Variants in NEGR1 observed in about 807,000 individuals in gnomAD.
The protein encoded by NEGR1 is IgLON family member 4.
A neutral mutation model predicts 40.9 loss-of-function variants in NEGR1; 10 were observed. That is an observed-to-expected ratio of 0.24 (90% CI 0.15 to 0.42). NEGR1 has a LOEUF of 0.42. NEGR1 is among the 10% of genes least tolerant of loss of function. The probability of loss-of-function intolerance (pLI) is 1.00; values close to 1 mark genes in which losing one functional copy is unlikely to be tolerated. For missense variants in NEGR1, 352 were observed against 438.9 expected (o/e 0.80, Z 1.77); for synonymous variants, 185 against 166.8 (o/e 1.11, Z -0.84).
intron 4 of NEGR1, among the ~76,000 whole-genome samples, chr1:71,627,201 G>A (rs893114871): frequency 1.3e-5 from 2 of 152,142 alleles, no homozygotes; most frequent in African/African-American, 4.8e-5. Context: ...GCACATGTAT[G>A]TGTATTGCAG....
intron 4 of NEGR1, among the ~76,000 whole-genome samples, chr1:71,691,870 TC>T (rs1014221491): frequency 2.0e-5 from 3 of 151,308 alleles, no homozygotes; most frequent in African/African-American, 7.3e-5. Context: ...GATCTTTCTT[TC>T]TTTTTTTTTT....
At chr1:71,592,366 T>A (rs1394155735) in intron 6 of NEGR1, among the ~76,000 whole-genome samples, 1 of 152,170 alleles carries the variant, frequency 6.6e-6, no homozygotes, top group African/African-American at 2.4e-5. Context: ...ATCATTTACT[T>A]ACTGTTTCAT....
At chr1:71,885,748 T>C (rs575842124) in intron 2 of NEGR1, among the ~76,000 whole-genome samples, 1 of 152,190 alleles carries the variant, frequency 6.6e-6, no homozygotes, top group African/African-American at 2.4e-5. Context: ...ATTATACACA[T>C]CAGCATTATT....
At chr1:72,099,920 T>C (rs1323932272) in intron 1 of NEGR1, among the ~76,000 whole-genome samples, 2 of 151,742 alleles carry the variant, frequency 1.3e-5, no homozygotes, top group Non-Finnish European at 2.9e-5. Context: ...CACATACACA[T>C]ACATATGTAG....
chr1:71,919,494 AC>A (rs930772667), intron 2 of NEGR1, among the ~76,000 whole-genome samples: 2 of 146,560 alleles, frequency 1.4e-5, no homozygotes, highest in African/African-American at 5.0e-5. Context: ...AACTATCTTA[AC>A]CTTTTTTTTT....
intron 3 of NEGR1, among the ~76,000 whole-genome samples, chr1:71,720,369 T>C (rs556121744): frequency 6.6e-6 from 1 of 152,180 alleles, no homozygotes; most frequent in Non-Finnish European, 1.5e-5. Context: ...AAGTTAGTAG[T>C]GTACCAACGA....
intron 2 of NEGR1, among the ~76,000 whole-genome samples, chr1:71,835,580 T>A (rs1016252149): frequency 6.6e-6 from 1 of 152,094 alleles, no homozygotes; most frequent in Non-Finnish European, 1.5e-5. Flanking sequence ...ATTAACAAAA[T>A]GACTCTAGTT....
At chr1:71,833,773 GT>G (rs1220192705) in intron 2 of NEGR1, among the ~76,000 whole-genome samples, 5 of 152,012 alleles carry the variant, frequency 3.3e-5, no homozygotes, top group Admixed American at 6.6e-5. Context: ...CATTCTTCAT[GT>G]GCTTAATTAT....
At chr1:72,206,405 G>T (rs1381335486) in intron 1 of NEGR1, among the ~76,000 whole-genome samples, 1 of 152,092 alleles carries the variant, frequency 6.6e-6, no homozygotes, top group Admixed American at 6.6e-5. Flanking sequence ...AAAGTTCATT[G>T]TAAGTATTCA....
chr1:72,138,819 G>A (rs1005581014), intron 1 of NEGR1, among the ~76,000 whole-genome samples: 7 of 151,902 alleles, frequency 4.6e-5, no homozygotes, highest in African/African-American at 1.7e-4. Context: ...ATATCAGCAA[G>A]CATATGAAAA....
intron 1 of NEGR1, among the ~76,000 whole-genome samples, chr1:72,136,834 T>A (rs944696966): frequency 5.3e-5 from 8 of 152,082 alleles, no homozygotes; most frequent in Non-Finnish European, 1.0e-4. Flanking sequence ...GAGAAAATTT[T>A]TGAAATCTAT....
chr1:71,771,722 A>AAAAAAAAAAAG (rs1656333440), intron 3 of NEGR1, among the ~76,000 whole-genome samples: 5 of 148,272 alleles, frequency 3.4e-5, no homozygotes, highest in Admixed American at 6.7e-5. Context: ...AAAAAAAAAA[A>AAAAAAAAAAAG]GGTGTGAATC....
At chr1:71,574,620 G>A (rs1648904825) in intron 6 of NEGR1, among the ~76,000 whole-genome samples, 1 of 152,122 alleles carries the variant, frequency 6.6e-6, no homozygotes, top group Non-Finnish European at 1.5e-5. Context: ...TAGATAATTA[G>A]TGACTTAAAA....
chr1:72,226,781 A>G (rs1654205128), intron 1 of NEGR1, among the ~76,000 whole-genome samples: 1 of 152,028 alleles, frequency 6.6e-6, no homozygotes, highest in African/African-American at 2.4e-5. Flanking sequence ...TTATACGTAT[A>G]TTTACTTTTA....
intron 6 of NEGR1, among the ~76,000 whole-genome samples, chr1:71,460,972 T>G (rs1646710598): frequency 6.6e-6 from 1 of 152,198 alleles, no homozygotes; most frequent in Admixed American, 6.5e-5. Flanking sequence ...GCCAAATAAT[T>G]TATTTTTAAG....
chr1:71,928,345 CATGTGT>C lies in NEGR1; in HGVS notation c.409+6728_409+6733del, dbSNP rs1379487811. ...ATACGTATATATGTATATATACACA[CATGTGT>C]ATATATATATACACATATGTATATA... On this transcript the variant is annotated intron_variant, in intron 2 of 6. Coordinates refer to ENST00000357731, the MANE Select transcript of NEGR1 (RefSeq NM_173808.3). 2.2e-3 allele frequency among the ~76,000 whole-genome samples: 191 copies of C among 86,216 alleles called. 7 individuals carry two copies. Among genetic ancestry groups the C allele is most frequent in the East Asian group, 2.9e-3 (10 of 3,482 alleles). 56.6% of individuals were successfully genotyped at this position (86,216 alleles called of 152,430 possible). A position where few individuals can be genotyped will look rare whatever the true frequency, so the allele number is the denominator to read the frequency against.
intron 1 of NEGR1, among the ~76,000 whole-genome samples, chr1:72,129,835 T>C (rs907859856): frequency 1.3e-5 from 2 of 152,206 alleles, no homozygotes; most frequent in African/African-American, 4.8e-5. Flanking sequence ...AAGAAAATAT[T>C]GTCACATCTG....
chr1:71,987,647 T>C (rs1646407276), intron 1 of NEGR1, among the ~76,000 whole-genome samples: 1 of 152,104 alleles, frequency 6.6e-6, no homozygotes, highest in African/African-American at 2.4e-5. Flanking sequence ...AGAAGCGCAT[T>C]CCCCACAGCA....
chr1:71,907,795 A>G (rs908375491), intron 2 of NEGR1, among the ~76,000 whole-genome samples: 2 of 152,102 alleles, frequency 1.3e-5, no homozygotes, highest in African/African-American at 4.8e-5. Context: ...TAGGGTACAT[A>G]CACCCCCCAT....
Sources: allele counts gnomAD v4.1 joint callset (sites outside exome capture counted in the v4.1 genomes callset), GRCh38; gene constraint gnomAD v4.1.1; transcripts MANE v1.5; gene names NCBI Gene and HGNC (gene_info 2026-07-23, HGNC 2026-07-21).